Variants in NFATC2IP observed in about 807,000 individuals in gnomAD.
NFATC2IP encodes the protein NFATC2-interacting protein.
NFATC2IP carries 25 observed loss-of-function variants against 40.2 expected under a neutral mutation model. That is an observed-to-expected ratio of 0.62 (90% CI 0.45 to 0.87). The LOEUF (loss-of-function observed/expected upper bound fraction) is 0.87, where lower values mean the gene tolerates loss of function less well. Among genes scored for constraint, NFATC2IP ranks in the 40% least tolerant of loss-of-function variants. NFATC2IP has a pLI of 0.00. For missense variants in NFATC2IP, 553 were observed against 555.6 expected, an observed-to-expected ratio of 1.00 and a Z score of 0.05; for synonymous variants, 241 against 236.3, an observed-to-expected ratio of 1.02 and a Z score of -0.18.
In NFATC2IP at chr16:28,966,830, T is replaced by C. The variant is rs574917509; in HGVS notation, c.*2967T>C. The C allele has an allele frequency of 2.0e-5, 3 of 151,898 alleles. No individual in the cohort carries two copies. Among genetic ancestry groups the C allele is most frequent in the East Asian group, 1.9e-4 (1 of 5,170 alleles). The allele number at this position is 151,898 out of a possible 1,614,324, so 9.4% of individuals were successfully genotyped here. On this transcript the variant is annotated 3_prime_UTR_variant, in exon 8 of 8. Coordinates refer to ENST00000320805, the MANE Select transcript of NFATC2IP (RefSeq NM_032815.4). ...GATCCAAGTTTCACTTTTTGTGATA[T>C]AATGAGCCAGTTTTCTCAGTAATGT...
rs1965148914 is a variant in NFATC2IP, at chr16:28,966,504, A to G, written c.*2641A>G. On this transcript the variant is annotated 3_prime_UTR_variant, in exon 8 of 8. Transcript: ENST00000320805. ...CTGGGCATGGTTTCTCATGCCTGTAATCCCAGAACTTTGGGAGGCTGAGGC... is the reference window on the plus strand; with the variant it reads ...CTGGGCATGGTTTCTCATGCCTGTAGTCCCAGAACTTTGGGAGGCTGAGGC... The G allele has an allele frequency of 6.7e-6, 1 of 149,580 alleles. No individual in the cohort carries two copies. The highest frequency in any genetic ancestry group is 2.1e-4 in the South Asian group (1 of 4,754). 9.3% of individuals were successfully genotyped at this position (149,580 alleles called of 1,614,324 possible). A position where few individuals can be genotyped will look rare whatever the true frequency, so the allele number is the denominator to read the frequency against.
chr16:28,955,149 G>A (rs1965006974), intron 3 of NFATC2IP, among the ~76,000 whole-genome samples: 2 of 152,074 alleles, frequency 1.3e-5, no homozygotes, highest in African/African-American at 2.4e-5. Flanking sequence ...AGCCATGATC[G>A]TGCCACTATA....
At chr16:28,960,892 T>A (rs1363799985) in intron 7 of NFATC2IP, among the ~76,000 whole-genome samples, 1 of 152,200 alleles carries the variant, frequency 6.6e-6, no homozygotes, top group African/African-American at 2.4e-5. Context: ...CATAACAATA[T>A]ATGCATCCTG....
intron 7 of NFATC2IP, among the ~76,000 whole-genome samples, chr16:28,961,988 C>CA: frequency 6.6e-6 from 1 of 151,598 alleles, no homozygotes; most frequent in South Asian, 2.1e-4. Flanking sequence ...ACCACAGCCT[C>CA]AAACTCCTGG....
Position 28,963,822 on chromosome 16 carries a change from C to A in NFATC2IP, c.1219C>A (p.Leu407Met). 1 of 1,614,204 alleles carries A rather than the reference C, an allele frequency of 6.2e-7. No homozygotes were observed. Among genetic ancestry groups the A allele is most frequent in the South Asian group, 1.1e-5 (1 of 91,088 alleles). The change falls in exon 8 of 8, where the codon CTG becomes ATG. Residue 407 changes from leucine (L) to methionine (M), a missense_variant. Coordinates refer to ENST00000320805, the MANE Select transcript of NFATC2IP (RefSeq NM_032815.4). Reference sequence around the variant, plus strand: ...TTCAGGCAGGGAGCTGCCAGCTGACCTGGGCATGGAATCTGGGGACCTCAT... The same window carrying A: ...TTCAGGCAGGGAGCTGCCAGCTGACATGGGCATGGAATCTGGGGACCTCAT... Reference protein sequence around the residue: ...KLSGRELPADLGMESGDLIEV... With the variant: ...KLSGRELPADMGMESGDLIEV...
intron 7 of NFATC2IP, among the ~76,000 whole-genome samples, chr16:28,961,124 TCAAGAC>T (rs1211107294): frequency 2.0e-5 from 3 of 151,820 alleles, no homozygotes; most frequent in African/African-American, 4.8e-5. Context: ...GCTCAGGAGT[TCAAGAC>T]CAGCCCGGGC....
intron 7 of NFATC2IP, among the ~76,000 whole-genome samples, chr16:28,960,720 A>G (rs971401652): frequency 2.0e-5 from 3 of 152,112 alleles, no homozygotes; most frequent in Non-Finnish European, 4.4e-5. Context: ...CGGCTGAGGC[A>G]GGAGGATTGC....
At chr16:28,951,805 C>T (rs186001688) in intron 1 of NFATC2IP, among the ~76,000 whole-genome samples, 1 of 152,040 alleles carries the variant, frequency 6.6e-6, no homozygotes, top group African/African-American at 2.4e-5. Context: ...TGGGCGGCTC[C>T]AGAGGCTGGG....
chr16:28,957,328 T>C (rs1965032977), intron 5 of NFATC2IP, among the ~76,000 whole-genome samples: 1 of 150,512 alleles, frequency 6.6e-6, no homozygotes, highest in Non-Finnish European at 1.5e-5. Flanking sequence ...CCACCGTGCC[T>C]GGCCTATTTT....
intron 7 of NFATC2IP, among the ~76,000 whole-genome samples, chr16:28,959,336 CCTT>C (rs1220462385): frequency 2.4e-4 from 37 of 152,126 alleles, no homozygotes; most frequent in Admixed American, 5.9e-4. Flanking sequence ...TCTCCTGACT[CCTT>C]CTGATTAAAA....
At position 28,951,077 on chromosome 16, in the gene NFATC2IP, G is replaced by T. The variant is rs1049297079; in HGVS notation, c.66G>T (p.Arg22=). 7 of 1,541,924 alleles carry T rather than the reference G, an allele frequency of 4.5e-6. No individual in the cohort carries two copies. The highest frequency in any genetic ancestry group is 1.8e-4 in the Middle Eastern group (1 of 5,612). Residue 22 remains arginine (R), a synonymous_variant, in exon 1 of 8, where the codon CGG becomes CGT. Transcript: ENST00000320805. ...GTAGCGGTGCCGGCCGAGGGGGTCGGGGCGGCTGGGGCGGTCGGGGCCGGC... is the reference window on the plus strand; with the variant it reads ...GTAGCGGTGCCGGCCGAGGGGGTCGTGGCGGCTGGGGCGGTCGGGGCCGGC... ...SGGSGAGRGG[R]GGWGGRGRRP... is the part of the protein sequence containing the mutation.
At chr16:28,952,076 TC>T in intron 1 of NFATC2IP, 55 bp from the exon 2 acceptor site, 1 of 1,608,832 alleles carries the variant, frequency 6.2e-7, no homozygotes, top group Non-Finnish European at 8.5e-7. Flanking sequence ...CCCAATTTTT[TC>T]TTTCGGTAGG....
chr16:28,952,308 A>G (rs751103241), intron 2 of NFATC2IP, 104 bp downstream of exon 2: 10 of 1,559,178 alleles, frequency 6.4e-6, no homozygotes, highest in Non-Finnish European at 8.6e-6. Flanking sequence ...GGCTCAAGGG[A>G]AGAGCGTGGG....
chr16:28,954,662 G>C lies in NFATC2IP; in HGVS notation c.558G>C (p.Glu186Asp), dbSNP rs1239315912. The C allele has an allele frequency of 1.2e-6, 2 of 1,613,056 alleles. No individual in the cohort carries two copies. Among genetic ancestry groups the C allele is most frequent in the Non-Finnish European group, 1.7e-6 (2 of 1,179,196 alleles). The part of the protein sequence containing the change: ...KTKLRTKDKE[E>D]KKKTEFLDLD... ...AGCTGAGGACTAAGGATAAAGAAGA[G>C]AAGAAAAAGACAGAGTTTCTGTGAG... Residue 186 changes from glutamate to aspartate, a missense_variant, in exon 3 of 8, where the codon GAG becomes GAC. Physicochemically the swap from Glu to Asp is conservative, Grantham distance 45. Transcript: ENST00000320805.
In NFATC2IP at chr16:28,951,224, T is replaced by C. The variant is rs1263306628; in HGVS notation, c.213T>C (p.Val71=). ...VATARGAADE[V]EVEPPEPPGP... is the part of the protein sequence containing the mutation. ...CCGCTCGCGGTGCCGCGGACGAGGT[T>C]GAGGTGGAGCCCCCGGAGCCCCCGG... Residue 71 remains valine, a synonymous_variant, in exon 1 of 8, where the codon GTT becomes GTC. Transcript: ENST00000320805. 4 of 1,526,018 alleles carry C rather than the reference T, an allele frequency of 2.6e-6. No homozygotes were observed. The highest frequency in any genetic ancestry group is 2.6e-6 in the Non-Finnish European group (3 of 1,133,014). The allele number at this position is 1,526,018 out of a possible 1,614,324, so 94.5% of individuals were successfully genotyped here.
intron 1 of NFATC2IP, among the ~76,000 whole-genome samples, chr16:28,951,893 A>G (rs140522291): frequency 5.3e-5 from 8 of 152,200 alleles, no homozygotes; most frequent in African/African-American, 1.9e-4. Flanking sequence ...TAACCTAGTT[A>G]AAAAGGGCAA....
At position 28,951,315 on chromosome 16, in the gene NFATC2IP, C is replaced by A. The variant is rs1490822992; in HGVS notation, c.304C>A (p.Pro102Thr). Reference protein sequence around the residue: ...SEGEDRRPAGPPREPVRRRRR... With the variant: ...SEGEDRRPAGTPREPVRRRRR... ...AGGGGAGGACAGGCGGCCCGCAGGA[C>A]CCCCGCGGGAGCCGGTCAGGCGGCG... The change falls in exon 1 of 8, where the codon CCC (proline) becomes ACC (threonine). Residue 102 changes from proline to threonine, a missense_variant. Coordinates refer to ENST00000320805, the MANE Select transcript of NFATC2IP (RefSeq NM_032815.4). 1 of 1,407,792 alleles carries A rather than the reference C, an allele frequency of 7.1e-7. No homozygotes were observed. The highest frequency in any genetic ancestry group is 9.3e-7 in the Non-Finnish European group (1 of 1,078,774). 87.2% of individuals were successfully genotyped at this position (1,407,792 alleles called of 1,614,324 possible). A position where few individuals can be genotyped will look rare whatever the true frequency, so the allele number is the denominator to read the frequency against.
In NFATC2IP at chr16:28,951,205, G is replaced by T; in HGVS notation, c.194G>T (p.Arg65Leu). 6.5e-7 allele frequency: 1 copy of T among 1,536,924 alleles called. No homozygotes were observed. The highest frequency in any genetic ancestry group is 8.8e-7 in the Non-Finnish European group (1 of 1,139,404). ...GAAATTCTGGAGGTCGCCACCGCTC[G>T]CGGTGCCGCGGACGAGGTTGAGGTG... Reference protein sequence around the residue: ...DEEILEVATARGAADEVEVEP... With the variant: ...DEEILEVATALGAADEVEVEP... The change falls in exon 1 of 8, where the codon CGC becomes CTC. Residue 65 changes from arginine (R) to leucine (L), a missense_variant. By Grantham distance (102) the Arg-to-Leu change is moderately radical. Transcript: ENST00000320805.
In NFATC2IP at chr16:28,964,040, G is replaced by C. The variant is rs1965117467; in HGVS notation, c.*177G>C. 2 of 614,422 alleles carry C rather than the reference G, an allele frequency of 3.3e-6. No homozygotes were observed. The highest frequency in any genetic ancestry group is 5.7e-6 in the Non-Finnish European group (2 of 353,774). The allele number at this position is 614,422 out of a possible 1,614,324, so 38.1% of individuals were successfully genotyped here. A position where few individuals can be genotyped will look rare whatever the true frequency, so the allele number is the denominator to read the frequency against. On this transcript the variant is annotated 3_prime_UTR_variant, in exon 8 of 8. Transcript: ENST00000320805. ...CTGGTTTAGAGCCGTTAACCACTTG[G>C]TGAGTTATGTGGGTGTTGTTGCCCT...
Sources: gnomAD v4.1 joint callset for allele counts (sites outside exome capture counted in the v4.1 genomes callset) on GRCh38, gnomAD v4.1.1 for gene constraint, MANE v1.5 for transcripts, NCBI Gene and HGNC (gene_info 2026-07-23, HGNC 2026-07-21) for gene names.